The following INCENP variants were observed in gnomAD, a reference collection of about 807,000 sequenced individuals.
INCENP encodes inner centromere protein, also known as binds and activates aurora-B and -C in vivo and in vitro.
INCENP carries 43 observed loss-of-function variants against 107.3 expected under a neutral mutation model. That is an observed-to-expected ratio of 0.40 (90% CI 0.31 to 0.52). The LOEUF is 0.52. Among genes scored for constraint, INCENP ranks in the 20% least tolerant of loss-of-function variants. The pLI is 0.53. For synonymous variants in INCENP, 488 were observed against 494.4 expected (o/e 0.99, Z 0.17); for missense variants, 1,089 against 1,250.9 (o/e 0.87, Z 1.95).
intron 4 of INCENP, among the ~76,000 whole-genome samples, chr11:62,137,170 A>G (rs1303347973): frequency 6.6e-6 from 1 of 152,210 alleles, no homozygotes; most frequent in Non-Finnish European, 1.5e-5. Context: ...ACTGGCCAAC[A>G]TGGTGAAACC....
Position 62,130,453 on chromosome 11 carries a change from C to T in INCENP, c.926C>T (p.Ala309Val). The T allele has an allele frequency of 6.2e-7, 1 of 1,614,072 alleles. No homozygotes were observed. Among genetic ancestry groups the T allele is most frequent in the Non-Finnish European group, 8.5e-7 (1 of 1,180,030 alleles). The change falls in exon 4 of 19, where the codon GCC becomes GTC. Residue 309 changes from alanine (A) to valine (V), a missense_variant. Transcript: ENST00000394818. ...CAATCGGTGCGGCACAGCCCGATCG[C>T]CCCGTCTTCCCCGAGTCCCCAAGTC... ...DSQSVRHSPI[A>V]PSSPSPQVLA...
At chr11:62,145,135 G>T (rs764444158) in intron 12 of INCENP, 34 bp from the exon 13 acceptor site, 1 of 1,614,066 alleles carries the variant, frequency 6.2e-7, no homozygotes, top group Non-Finnish European at 8.5e-7. Flanking sequence ...CCCAGCCTTG[G>T]TGGGGCTCCC....
In INCENP at chr11:62,140,743, C is replaced by A; in HGVS notation, c.1383C>A (p.Asp461Glu). Residue 461 changes from aspartate (D) to glutamate (E), a missense_variant, in exon 9 of 19, where the codon GAC becomes GAA. Coordinates refer to ENST00000394818, the MANE Select transcript of INCENP (RefSeq NM_001040694.2). ...RSYKQAVSEL[D>E]EEQHLEDEEL... ...ACAAGCAGGCCGTGAGTGAGCTGGA[C>A]GAGGAGCAGCACCTGGAGGATGAGG... The A allele has an allele frequency of 1.9e-6, 3 of 1,601,156 alleles. No homozygotes were observed. Among genetic ancestry groups the A allele is most frequent in the Non-Finnish European group, 2.6e-6 (3 of 1,174,680 alleles).
chr11:62,128,691 G>A, intron 2 of INCENP, 79 bp from the exon 3 acceptor site: 4 of 1,008,842 alleles, frequency 4.0e-6, no homozygotes, highest in South Asian at 3.9e-5. Flanking sequence ...CCAGGAAATG[G>A]GCAGGGGCCA....
rs1434088975 is a variant in INCENP, at chr11:62,140,714, A to C, written c.1354A>C (p.Ser452Arg). 12 of 1,573,226 alleles carry C rather than the reference A, an allele frequency of 7.6e-6. No homozygotes were observed. In the South Asian group the frequency reaches 1.3e-4, roughly 17 times the overall value. Residue 452 changes from serine (S) to arginine (R), a missense_variant, in exon 9 of 19, where the codon AGC becomes CGC. Transcript: ENST00000394818. ...CCCGCGCCTTGGCAGGAGGAAGCGC[A>C]GCTACAAGCAGGCCGTGAGTGAGCT... is the stretch of plus-strand genomic sequence containing the variant. ...EPPQSARRKR[S>R]YKQAVSELDE... is the part of the protein sequence containing the mutation.
chr11:62,151,405 G>A (rs910138178), intron 18 of INCENP, among the ~76,000 whole-genome samples: 1 of 152,220 alleles, frequency 6.6e-6, no homozygotes, highest in South Asian at 2.1e-4. Flanking sequence ...TCTGGAACTG[G>A]GCTTGTCTTC....
At chr11:62,142,322 C>G (rs1271613514) in intron 11 of INCENP, among the ~76,000 whole-genome samples, 1 of 152,264 alleles carries the variant, frequency 6.6e-6, no homozygotes, top group Non-Finnish European at 1.5e-5. Context: ...GGGCCCTGAG[C>G]TGGCTTCTCC....
rs1943873057 is a variant in INCENP, at chr11:62,130,598, T to TG, written c.1063+13dup. ...CCTCTGGCCGCATCATCTGTGAGTC[T>TG]GGGGGCTTGGCAGTGGCGGGTGGTC... is the stretch of plus-strand genomic sequence containing the variant. On this transcript the variant is annotated intron_variant, in intron 4 of 18. Coordinates refer to ENST00000394818, the MANE Select transcript of INCENP (RefSeq NM_001040694.2). 6.2e-7 allele frequency: 1 copy of TG among 1,604,952 alleles called. No homozygotes were observed. The highest frequency in any genetic ancestry group is 1.1e-5 in the South Asian group (1 of 89,676).
rs1350125220 is a variant in INCENP, at chr11:62,146,860, A to G, written c.2162A>G (p.Glu721Gly). The change falls in exon 15 of 19, where the codon GAG becomes GGG. Residue 721 changes from glutamate (E) to glycine (G), a missense_variant. By Grantham distance (98) the Glu-to-Gly change is moderately conservative. Transcript: ENST00000394818. ...ERREQERQLA[E>G]QERRREQERL... ...CGCGAGCAGGAGCGACAGCTGGCAG[A>G]GCAGGAGCGTCGGCGGGAGCAGGAG... 18 of 1,585,970 alleles carry G rather than the reference A, an allele frequency of 1.1e-5. No individual in the cohort carries two copies. The highest frequency in any genetic ancestry group is 3.6e-5 in the Admixed American group (2 of 56,294).
In INCENP at chr11:62,150,193, C is replaced by A. The variant is rs755084105; in HGVS notation, c.2528C>A (p.Pro843His). 7 of 1,613,914 alleles carry A rather than the reference C, an allele frequency of 4.3e-6. No homozygotes were observed. The highest frequency in any genetic ancestry group is 5.9e-6 in the Non-Finnish European group (7 of 1,180,014). ...GAGGCCCATCCCCGGAAGCCCATCCCCACCTGGGCCCGAGGTAAGCAAAGC... is the reference window on the plus strand; with the variant it reads ...GAGGCCCATCCCCGGAAGCCCATCCACACCTGGGCCCGAGGTAAGCAAAGC... The part of the protein sequence containing the change: ...DDEAHPRKPI[P>H]TWARGTPLSQ... The change falls in exon 18 of 19, where the codon CCC becomes CAC. Residue 843 changes from proline to histidine, a missense_variant. By Grantham distance (77) the Pro-to-His change is moderately conservative (BLOSUM62 -2). Transcript: ENST00000394818.
rs1442226260 is a variant in INCENP at position 62,140,644 on chromosome 11, A to T, written c.1344-60A>T. 2.1e-6 allele frequency: 3 copies of T among 1,417,332 alleles called. No homozygotes were observed. The African/African-American group carries it at 4.3e-5, about 20-fold the overall frequency. 87.8% of individuals were successfully genotyped at this position (1,417,332 alleles called of 1,614,324 possible). The stretch of plus-strand genomic sequence containing the variant: ...GTATTGTTCACCGGGGTGACTTTTG[A>T]TGGGGTGTGGCTGGGCTGTGGCGGG... On this transcript the variant is annotated intron_variant, in intron 8 of 18. Transcript: ENST00000394818.
chr11:62,146,791 GC>G lies in INCENP; in HGVS notation c.2094del (p.Glu699SerfsTer92), dbSNP rs1565101608. On this transcript the variant is annotated frameshift_variant, in exon 15 of 19. Transcript: ENST00000394818. LOFTEE classifies it high-confidence loss of function. Reference protein sequence around the residue: ...REQERREQERREQERREQERR... With the variant: ...REQERREQERXEQERREQERR... ...CAGGAGCGGCGGGAGCAGGAGCGGC[GC>G]GAGCAGGAGCGGCGCGAGCAGGAGC... The G allele has an allele frequency of 6.5e-7, 1 of 1,527,588 alleles. No homozygotes were observed. Among genetic ancestry groups the G allele is most frequent in the African/African-American group, 1.4e-5 (1 of 70,278 alleles). The allele number at this position is 1,527,588 out of a possible 1,614,324, so 94.6% of individuals were successfully genotyped here.
At position 62,138,988 on chromosome 11, in the gene INCENP, C is replaced by T. The variant is rs1360515962; in HGVS notation, c.1274C>T (p.Pro425Leu). The change falls in exon 7 of 19, where the codon CCC (proline) becomes CTC (leucine). Residue 425 changes from proline to leucine, a missense_variant. Pro to Leu is a moderately conservative substitution (Grantham distance 98). Coordinates refer to ENST00000394818, the MANE Select transcript of INCENP (RefSeq NM_001040694.2). ...PKPAASSPETPSAGQQEAKTD... is the reference protein window; with the variant it reads ...PKPAASSPETLSAGQQEAKTD... Reference sequence around the variant, plus strand: ...CCTGCAGCCAGCAGCCCGGAAACACCCTCTGCAGGGCAGCAAGGTGAGGCT... The same window carrying T: ...CCTGCAGCCAGCAGCCCGGAAACACTCTCTGCAGGGCAGCAAGGTGAGGCT... The T allele has an allele frequency of 1.4e-5, 23 of 1,613,388 alleles. No individual in the cohort carries two copies. Among genetic ancestry groups the T allele is most frequent in the Non-Finnish European group, 1.9e-5 (22 of 1,179,484 alleles).
chr11:62,146,793 G>A lies in INCENP; in HGVS notation c.2095G>A (p.Glu699Lys), dbSNP rs1032010380. The A allele has an allele frequency of 1.2e-5, 18 of 1,532,892 alleles. No homozygotes were observed. In the African/African-American group the frequency reaches 1.3e-4, roughly 11 times the overall value. 95.0% of individuals were successfully genotyped at this position (1,532,892 alleles called of 1,614,324 possible). A position where few individuals can be genotyped will look rare whatever the true frequency, so the allele number is the denominator to read the frequency against. Residue 699 changes from glutamate to lysine, a missense_variant, in exon 15 of 19, where the codon GAG becomes AAG. By Grantham distance (56) the Glu-to-Lys change is moderately conservative (BLOSUM62 1). Coordinates refer to ENST00000394818, the MANE Select transcript of INCENP (RefSeq NM_001040694.2). ...GGAGCGGCGGGAGCAGGAGCGGCGC[G>A]AGCAGGAGCGGCGCGAGCAGGAGCG... ...EQERREQERR[E>K]QERREQERRE...
intron 16 of INCENP, 30 bp downstream of exon 16, chr11:62,148,584 G>A (rs565961738): frequency 1.3e-6 from 2 of 1,581,022 alleles, no homozygotes; most frequent in South Asian, 2.3e-5. Context: ...GGGCTCCCCT[G>A]GGGTCTGCCC....
intron 7 of INCENP, 25 bp downstream of exon 7, chr11:62,139,030 G>A (rs1388597857): frequency 6.5e-7 from 1 of 1,537,682 alleles, no homozygotes; most frequent in Non-Finnish European, 9.0e-7. Context: ...CCTGCCGTGT[G>A]CAGTGCCCGG....
chr11:62,132,331 CT>C (rs1943909521), intron 4 of INCENP, among the ~76,000 whole-genome samples: 1 of 152,202 alleles, frequency 6.6e-6, no homozygotes, highest in African/African-American at 2.4e-5. Context: ...GCAGAAGAGG[CT>C]TTGTGCAAGG....
rs774422795 is a variant in INCENP at position 62,145,206 on chromosome 11, C to T, written c.1753C>T (p.Arg585Cys). 4 of 1,614,092 alleles carry T rather than the reference C, an allele frequency of 2.5e-6. No homozygotes were observed. The highest frequency in any genetic ancestry group is 3.4e-6 in the Non-Finnish European group (4 of 1,180,022). The change falls in exon 13 of 19, where the codon CGC becomes TGC. Residue 585 changes from arginine (R) to cysteine (C), a missense_variant. Physicochemically the swap from Arg to Cys is radical, Grantham distance 180. Transcript: ENST00000394818. ...ACGCCTCCGCAAGGTGCTGCAGGCC[C>T]GCGAGCGGGTGGAGCAGATGAAGGA... ...EERLRKVLQA[R>C]ERVEQMKEEK...
chr11:62,145,733 G>T lies in INCENP; in HGVS notation c.1941G>T (p.Arg647Ser). ...ARRKQEEEAR[R>S]LRWLQQEEEE... is the part of the protein sequence containing the mutation. ...GGAAGCAGGAAGAGGAGGCACGTAG[G>T]CTCAGGTGGCTGCAGCAGGTGCGAG... is the stretch of plus-strand genomic sequence containing the variant. Residue 647 changes from arginine to serine, a missense_variant, in exon 14 of 19, where the codon AGG becomes AGT. Arg to Ser is a moderately radical substitution (Grantham distance 110). Coordinates refer to ENST00000394818, the MANE Select transcript of INCENP (RefSeq NM_001040694.2). The T allele has an allele frequency of 6.4e-7, 1 of 1,554,062 alleles. No individual in the cohort carries two copies. The highest frequency in any genetic ancestry group is 8.7e-7 in the Non-Finnish European group (1 of 1,148,834).
Sources: allele counts gnomAD v4.1 joint callset (sites outside exome capture counted in the v4.1 genomes callset), GRCh38; gene constraint gnomAD v4.1.1; transcripts MANE v1.5; gene names NCBI Gene and HGNC (gene_info 2026-07-23, HGNC 2026-07-21).